Variants in ARHGAP6 observed in about 807,000 individuals in gnomAD.
ARHGAP6 encodes the protein rho GTPase-activating protein 6.
ARHGAP6 carries 16 observed loss-of-function variants against 55.7 expected under a neutral mutation model. That is an observed-to-expected ratio of 0.29 (90% CI 0.19 to 0.44). The LOEUF is 0.44. ARHGAP6 is among the 20% of genes least tolerant of loss of function. The pLI is 1.00. For synonymous variants in ARHGAP6, 382 were observed against 360.9 expected, an observed-to-expected ratio of 1.06 and a Z score of -0.66; for missense variants, 698 against 808.9, an observed-to-expected ratio of 0.86 and a Z score of 1.66.
At position 11,342,370 on chromosome X, in the gene ARHGAP6, A is replaced by G. The variant is rs751263035; in HGVS notation, c.589-87663T>C. On this transcript the variant is annotated intron_variant, in intron 1 of 12. Transcript: ENST00000337414. ...TTCCAATAACTTTCCTTTATTCTCAATCTCTAGCTCACAATTAAAAATTTG... is the reference window on the plus strand; with the variant it reads ...TTCCAATAACTTTCCTTTATTCTCAGTCTCTAGCTCACAATTAAAAATTTG... Among the ~76,000 whole-genome samples the G allele has an allele frequency of 1.2e-4, 13 of 112,032 alleles. 1 individual carries two copies. In the East Asian group the frequency reaches 3.3e-3, roughly 29 times the overall value.
At chrX:11,641,052 A>ATT (rs369850260) in intron 1 of ARHGAP6, among the ~76,000 whole-genome samples, 7 of 101,763 alleles carry the variant, frequency 6.9e-5, no homozygotes, top group Non-Finnish European at 1.2e-4. Context: ...TGAGTAACCC[A>ATT]TTTTTTTTTT....
chrX:11,419,700 C>T (rs182502957), intron 1 of ARHGAP6, among the ~76,000 whole-genome samples: 415 of 112,384 alleles, frequency 3.7e-3, no homozygotes, highest in Non-Finnish European at 5.4e-3. Flanking sequence ...ATGGAGCCCA[C>T]GTGCTCCACA....
chrX:11,222,631 C>T (rs1417924017), intron 2 of ARHGAP6, among the ~76,000 whole-genome samples: 1 of 112,010 alleles, frequency 8.9e-6, no homozygotes, highest in Non-Finnish European at 1.9e-5. Context: ...TCTTTATCTA[C>T]TTAAACCTAA....
chrX:11,398,801 G>T (rs111372251), intron 1 of ARHGAP6, among the ~76,000 whole-genome samples: 2,225 of 111,232 alleles, frequency 0.02, 28 homozygotes, highest in Middle Eastern at 0.061. Context: ...AACACTGAAT[G>T]AGAGTTGCAG....
intron 1 of ARHGAP6, among the ~76,000 whole-genome samples, chrX:11,537,962 C>A (rs915213934): frequency 4.3e-4 from 47 of 109,546 alleles, no homozygotes; most frequent in African/African-American, 1.5e-3. Context: ...AAAAAAAAAA[C>A]CCAATAGTTC....
At chrX:11,232,240 C>G (rs1327099989) in intron 2 of ARHGAP6, among the ~76,000 whole-genome samples, 2 of 111,880 alleles carry the variant, frequency 1.8e-5, no homozygotes, top group Non-Finnish European at 3.8e-5. Context: ...CCCCGTCAAC[C>G]CTGCTACTGT....
intron 10 of ARHGAP6, among the ~76,000 whole-genome samples, chrX:11,147,285 G>T (rs2045710892): frequency 9.3e-6 from 1 of 106,971 alleles, no homozygotes; most frequent in Admixed American, 9.9e-5. Flanking sequence ...ATATGACATA[G>T]ACATGTACAC....
rs374781306 is a variant in ARHGAP6, at chrX:11,179,484, A to G, written c.1330-32T>C. ...GAACAATGGTTCGAGTGGCAGTCAC[A>G]TAACACCATACCTCAATGAGCAGTG... is the stretch of plus-strand genomic sequence containing the variant. On this transcript the variant is annotated intron_variant, in intron 6 of 12. Coordinates refer to ENST00000337414, the MANE Select transcript of ARHGAP6 (RefSeq NM_013427.3). 3.6e-5 allele frequency: 43 copies of G among 1,191,743 alleles called. No individual in the cohort carries two copies. The South Asian group carries it at 6.2e-4, about 17-fold the overall frequency.
chrX:11,193,600 G>A (rs751185364), intron 3 of ARHGAP6, among the ~76,000 whole-genome samples: 9 of 112,302 alleles, frequency 8.0e-5, no homozygotes, highest in Non-Finnish European at 1.7e-4. Context: ...TTGCCATGAA[G>A]CCTGATATTT....
intron 1 of ARHGAP6, among the ~76,000 whole-genome samples, chrX:11,539,149 GC>G (rs1968490277): frequency 9.0e-6 from 1 of 111,529 alleles, no homozygotes; most frequent in East Asian, 2.8e-4. Flanking sequence ...GAGCCACTGT[GC>G]CTGGCCCACT....
chrX:11,293,541 G>T (rs1435135163), intron 1 of ARHGAP6: 2 of 111,639 alleles, frequency 1.8e-5, no homozygotes, highest in Admixed American at 9.5e-5. Flanking sequence ...TCTTTTAAAA[G>T]ATATAAATGT....
In ARHGAP6 at chrX:11,537,892, C is replaced by T. The variant is rs959589984; in HGVS notation, c.588+126349G>A. On this transcript the variant is annotated intron_variant, in intron 1 of 12. Coordinates refer to ENST00000337414, the MANE Select transcript of ARHGAP6 (RefSeq NM_013427.3). ...TTGAGAGAATGAGAATTAAAAAACACAAACAATATCTTCATATTATTATTA... is the reference window on the plus strand; with the variant it reads ...TTGAGAGAATGAGAATTAAAAAACATAAACAATATCTTCATATTATTATTA... Among the ~76,000 whole-genome samples, 8 of 110,781 alleles carry T rather than the reference C, an allele frequency of 7.2e-5. 1 individual carries two copies. Among genetic ancestry groups the T allele is most frequent in the Admixed American group, 3.9e-4 (4 of 10,382 alleles).
intron 1 of ARHGAP6, among the ~76,000 whole-genome samples, chrX:11,384,244 A>G (rs1228965215): frequency 8.9e-6 from 1 of 111,947 alleles, no homozygotes; most frequent in Non-Finnish European, 1.9e-5. Flanking sequence ...AGTGAAAGAC[A>G]CAGGGATCCT....
At chrX:11,159,917 T>C (rs954693606) in intron 9 of ARHGAP6, among the ~76,000 whole-genome samples, 1 of 110,827 alleles carries the variant, frequency 9.0e-6, no homozygotes, top group Admixed American at 9.6e-5. Context: ...CCAAAGATCA[T>C]CACCCAACAG....
At chrX:11,420,000 T>A (rs1217541318) in intron 1 of ARHGAP6, among the ~76,000 whole-genome samples, 1 of 111,929 alleles carries the variant, frequency 8.9e-6, no homozygotes, top group Non-Finnish European at 1.9e-5. Context: ...ATGACAAGTA[T>A]CCGAAGAGAA....
chrX:11,567,566 A>AAT lies in ARHGAP6; in HGVS notation c.588+96673_588+96674dup, dbSNP rs1556078452. ...GAGACTCCATCTCAAAAAAAAAAAA[A>AAT]ATATATATATATATTTGCCTCAGAG... On this transcript the variant is annotated intron_variant, in intron 1 of 12. Transcript: ENST00000337414. 6.0e-3 allele frequency among the ~76,000 whole-genome samples: 503 copies of AAT among 84,399 alleles called. 14 individuals carry two copies. The highest frequency in any genetic ancestry group is 0.022 in the African/African-American group (465 of 21,122). 73.3% of individuals were successfully genotyped at this position (84,399 alleles called of 115,157 possible).
intron 1 of ARHGAP6, among the ~76,000 whole-genome samples, chrX:11,557,802 A>C (rs2051337293): frequency 8.9e-6 from 1 of 112,259 alleles, no homozygotes; most frequent in Non-Finnish European, 1.9e-5. Context: ...ACAAGAAAGG[A>C]AGTTTCTAAC....
intron 1 of ARHGAP6, among the ~76,000 whole-genome samples, chrX:11,660,873 AG>A (rs1195877409): frequency 9.0e-6 from 1 of 110,779 alleles, no homozygotes; most frequent in Non-Finnish European, 1.9e-5. Flanking sequence ...AAGCCTTTCA[AG>A]GCCCCCCAAA....
At position 11,179,330 on chromosome X, in the gene ARHGAP6, C is replaced by A. The variant is rs1442502628; in HGVS notation, c.1452G>T (p.Glu484Asp). 7.5e-6 allele frequency: 9 copies of A among 1,206,852 alleles called. No homozygotes were observed. The highest frequency in any genetic ancestry group is 7.8e-6 in the Non-Finnish European group (7 of 893,903). The change falls in exon 7 of 13, where the codon GAG (glutamate) becomes GAT (aspartate). Residue 484 changes from glutamate (E) to aspartate (D), a missense_variant. Coordinates refer to ENST00000337414, the MANE Select transcript of ARHGAP6 (RefSeq NM_013427.3). ...RDMPDPLLTRELYTAFINTLL... is the reference protein window; with the variant it reads ...RDMPDPLLTRDLYTAFINTLL... ...GAGTGTTGATGAAAGCTGTGTACAG[C>A]TCCCTGGTGAGAAGGGGGTCTGGCA... is the stretch of plus-strand genomic sequence containing the variant.
Sources: gnomAD v4.1 joint callset for allele counts (sites outside exome capture counted in the v4.1 genomes callset) on GRCh38, gnomAD v4.1.1 for gene constraint, MANE v1.5 for transcripts, NCBI Gene and HGNC (gene_info 2026-07-23, HGNC 2026-07-21) for gene names.